Variants in IMMP2L observed in about 807,000 individuals in gnomAD.
IMMP2L encodes mitochondrial inner membrane protease subunit 2.
A neutral mutation model predicts 19.3 loss-of-function variants in IMMP2L; 18 were observed. That is an observed-to-expected ratio of 0.93 (90% CI 0.64 to 1.38). IMMP2L has a LOEUF of 1.38. IMMP2L is among the 40% of genes most tolerant of loss of function. IMMP2L has a pLI of 0.00. For missense variants in IMMP2L, 233 were observed against 218.2 expected, an observed-to-expected ratio of 1.07 and a Z score of -0.43; for synonymous variants, 76 against 73.0, an observed-to-expected ratio of 1.04 and a Z score of -0.21.
chr7:111,263,413 T>G (rs1817522516), intron 3 of IMMP2L, among the ~76,000 whole-genome samples: 1 of 152,100 alleles, frequency 6.6e-6, no homozygotes, highest in Non-Finnish European at 1.5e-5. Context: ...GCCCTGAGCA[T>G]GTGCAAGGAT....
intron 3 of IMMP2L, among the ~76,000 whole-genome samples, chr7:111,192,065 T>G (rs979643899): frequency 1.3e-5 from 2 of 152,084 alleles, no homozygotes; most frequent in African/African-American, 4.8e-5. Context: ...ACACCTTTAC[T>G]CATCAGGTAT....
intron 5 of IMMP2L, among the ~76,000 whole-genome samples, chr7:110,795,214 T>C (rs1018948927): frequency 2.0e-5 from 3 of 151,580 alleles, no homozygotes; most frequent in South Asian, 2.1e-4. Flanking sequence ...CTGAGTTTTC[T>C]ATTTGGACCC....
intron 2 of IMMP2L, among the ~76,000 whole-genome samples, chr7:111,506,065 T>G (rs1458259522): frequency 1.3e-5 from 2 of 151,794 alleles, no homozygotes; most frequent in African/African-American, 4.8e-5. Flanking sequence ...GCCAAAAGTT[T>G]GAGAACACCT....
At chr7:110,669,106 T>TAGAGAGAGAG (rs1294902082) in intron 5 of IMMP2L, among the ~76,000 whole-genome samples, 6 of 143,560 alleles carry the variant, frequency 4.2e-5, no homozygotes, top group African/African-American at 1.6e-4. Context: ...TATATATATA[T>TAGAGAGAGAG]ATAGAGAGAG....
At chr7:111,212,539 A>C (rs1811439449) in intron 3 of IMMP2L, among the ~76,000 whole-genome samples, 1 of 151,946 alleles carries the variant, frequency 6.6e-6, no homozygotes, top group African/African-American at 2.4e-5. Flanking sequence ...TAGGCCAGGG[A>C]GGCGGAGGCT....
intron 3 of IMMP2L, among the ~76,000 whole-genome samples, chr7:111,147,854 C>T (rs1245314771): frequency 6.6e-6 from 1 of 152,042 alleles, no homozygotes; most frequent in Non-Finnish European, 1.5e-5. Flanking sequence ...TGCAATGTTC[C>T]AAGAAGAATT....
chr7:110,880,372 A>T (rs913991970), intron 5 of IMMP2L, among the ~76,000 whole-genome samples: 9 of 152,092 alleles, frequency 5.9e-5, no homozygotes, highest in African/African-American at 2.2e-4. Flanking sequence ...GAAAATTAAA[A>T]ATTTCCAAAA....
intron 5 of IMMP2L, among the ~76,000 whole-genome samples, chr7:110,884,574 A>C (rs1810015808): frequency 6.6e-6 from 1 of 152,122 alleles, no homozygotes; most frequent in Non-Finnish European, 1.5e-5. Flanking sequence ...GAGGGTTAGC[A>C]TAAAGATATT....
chr7:111,335,023 G>GT (rs935612437), intron 3 of IMMP2L, among the ~76,000 whole-genome samples: 1 of 151,952 alleles, frequency 6.6e-6, no homozygotes, highest in Admixed American at 6.6e-5. Context: ...CTTTGAATCT[G>GT]TAGCAGGAGC....
chr7:110,846,538 G>A (rs1448810116), intron 5 of IMMP2L, among the ~76,000 whole-genome samples: 1 of 151,768 alleles, frequency 6.6e-6, no homozygotes, highest in East Asian at 1.9e-4. Flanking sequence ...GCTAATTTTT[G>A]TATTTTTAGT....
chr7:110,865,778 T>A (rs556448421), intron 5 of IMMP2L, among the ~76,000 whole-genome samples: 2 of 152,174 alleles, frequency 1.3e-5, no homozygotes, highest in East Asian at 3.9e-4. Flanking sequence ...TTTTTAGTAT[T>A]TAACCTGATT....
At chr7:110,880,733 C>T (rs1401927845) in intron 5 of IMMP2L, among the ~76,000 whole-genome samples, 1 of 151,954 alleles carries the variant, frequency 6.6e-6, no homozygotes, top group Non-Finnish European at 1.5e-5. Flanking sequence ...ATTAATAACC[C>T]CTGCATATGT....
intron 3 of IMMP2L, among the ~76,000 whole-genome samples, chr7:111,423,637 T>A (rs1251820106): frequency 6.6e-6 from 1 of 151,846 alleles, no homozygotes; most frequent in African/African-American, 2.4e-5. Context: ...TAGAGGTGTA[T>A]CTTTGGGACA....
chr7:111,287,437 A>G (rs1820613287), intron 3 of IMMP2L, among the ~76,000 whole-genome samples: 1 of 152,052 alleles, frequency 6.6e-6, no homozygotes, highest in Non-Finnish European at 1.5e-5. Context: ...TGTATTAAAC[A>G]CCATAACTGA....
Position 110,905,712 on chromosome 7 carries a change from A to T in IMMP2L, c.306-19017T>A, listed in dbSNP as rs62464047. Among the ~76,000 whole-genome samples the T allele has an allele frequency of 6.5e-3, 989 of 152,320 alleles. 3 individuals are homozygous for T. The highest frequency in any genetic ancestry group is 9.1e-3 in the Non-Finnish European group (617 of 68,018). ...GTACTTTGGCTGGACTGTAAGTGTG[A>T]TGTCACATATGGTACCATACCTCAA... On this transcript the variant is annotated intron_variant, in intron 4 of 5. Transcript: ENST00000405709.
intron 3 of IMMP2L, chr7:111,124,568 A>G (rs1169755464): frequency 6.2e-7 from 1 of 1,613,862 alleles, no homozygotes; most frequent in Non-Finnish European, 8.5e-7. Context: ...CCCACCATCT[A>G]TCAGAAAAAC....
At chr7:111,559,715 G>A (rs12705779) in intron 1 of IMMP2L, among the ~76,000 whole-genome samples, 118,689 of 152,082 alleles carry the variant, frequency 0.78, 47,954 homozygotes, top group East Asian at 0.97. Flanking sequence ...AAAACAGGGA[G>A]GGAAATTTAA....
chr7:110,920,760 G>T (rs955141429), intron 4 of IMMP2L, among the ~76,000 whole-genome samples: 13 of 152,128 alleles, frequency 8.5e-5, no homozygotes, highest in Non-Finnish European at 1.5e-5. Flanking sequence ...CTTTGCCCCA[G>T]TAACTGGCAG....
At chr7:110,982,835 G>A (rs1821447309) in intron 3 of IMMP2L, among the ~76,000 whole-genome samples, 1 of 152,056 alleles carries the variant, frequency 6.6e-6, no homozygotes, top group Non-Finnish European at 1.5e-5. Context: ...GTGTGGAAAT[G>A]GTAGCTTGTA....
Sources: gnomAD v4.1 joint callset for allele counts (sites outside exome capture counted in the v4.1 genomes callset) on GRCh38, gnomAD v4.1.1 for gene constraint, MANE v1.5 for transcripts, NCBI Gene and HGNC (gene_info 2026-07-23, HGNC 2026-07-21) for gene names.